MARCHF1: variants seen among roughly 807,000 people sequenced by gnomAD.
MARCHF1 encodes membrane associated ring-CH-type finger 1.
In MARCHF1, 40 loss-of-function variants were observed where a neutral mutation model predicts 54.2. The ratio of observed to expected loss-of-function variants is 0.74; its 90% CI spans 0.57 to 0.96. MARCHF1 has a LOEUF of 0.96. Among genes scored for constraint, MARCHF1 ranks in the 40% least tolerant of loss-of-function variants. The pLI is 0.00. For missense variants in MARCHF1, 586 were observed against 656.5 expected, an observed-to-expected ratio of 0.89 and a Z score of 1.17; for synonymous variants, 236 against 236.3, an observed-to-expected ratio of 1.00 and a Z score of 0.01.
At chr4:163,915,932 T>C (rs977412573) in intron 3 of MARCHF1, among the ~76,000 whole-genome samples, 1 of 152,110 alleles carries the variant, frequency 6.6e-6, no homozygotes, top group Non-Finnish European at 1.5e-5. Context: ...AACCTTCCCA[T>C]TTAAGAACCT....
intron 3 of MARCHF1, among the ~76,000 whole-genome samples, chr4:163,865,251 T>C (rs938991918): frequency 4.0e-5 from 6 of 151,894 alleles, no homozygotes; most frequent in African/African-American, 1.4e-4. Context: ...ATGAACACAC[T>C]TAAAGTGTCT....
intron 3 of MARCHF1, among the ~76,000 whole-genome samples, chr4:163,907,828 AC>A (rs918064040): frequency 1.3e-5 from 2 of 152,146 alleles, no homozygotes; most frequent in Non-Finnish European, 2.9e-5. Flanking sequence ...TTACTTTAGA[AC>A]GATATGTGTG....
At chr4:164,039,903 C>T (rs1232891711) in intron 2 of MARCHF1, among the ~76,000 whole-genome samples, 1 of 149,632 alleles carries the variant, frequency 6.7e-6, no homozygotes, top group Non-Finnish European at 1.5e-5. Flanking sequence ...ACAGAAACAA[C>T]AAAGTAAAAT....
chr4:164,184,350 G>A (rs1730911238), intron 1 of MARCHF1, among the ~76,000 whole-genome samples: 1 of 152,054 alleles, frequency 6.6e-6, no homozygotes, highest in South Asian at 2.1e-4. Flanking sequence ...ATATGCTTTT[G>A]CCACATACCT....
At chr4:163,761,506 T>C (rs1009364615) in intron 4 of MARCHF1, among the ~76,000 whole-genome samples, 1 of 128,212 alleles carries the variant, frequency 7.8e-6, no homozygotes, top group Non-Finnish European at 1.7e-5. Flanking sequence ...AGGAGGATAA[T>C]TGAATATTAA....
At chr4:163,914,293 AT>A (rs1469693686) in intron 3 of MARCHF1, among the ~76,000 whole-genome samples, 2 of 152,156 alleles carry the variant, frequency 1.3e-5, no homozygotes, top group Non-Finnish European at 2.9e-5. Flanking sequence ...TTTAAAGAGA[AT>A]GCAAAAATTA....
intron 4 of MARCHF1, among the ~76,000 whole-genome samples, chr4:163,761,111 T>A (rs1024129760): frequency 6.6e-6 from 1 of 152,238 alleles, no homozygotes; most frequent in Non-Finnish European, 1.5e-5. Context: ...GGACAGTTAT[T>A]TCAAAATGAG....
At chr4:164,277,560 T>C (rs1486665649) in intron 1 of MARCHF1, among the ~76,000 whole-genome samples, 2 of 152,242 alleles carry the variant, frequency 1.3e-5, no homozygotes, top group African/African-American at 4.8e-5. Flanking sequence ...TCCTCCTGCC[T>C]AGAAAGGATC....
At chr4:164,334,327 A>T (rs987717523) in intron 1 of MARCHF1, among the ~76,000 whole-genome samples, 1 of 152,200 alleles carries the variant, frequency 6.6e-6, no homozygotes, top group African/African-American at 2.4e-5. Flanking sequence ...CTCTTTTGTT[A>T]GGGGCTAATG....
intron 4 of MARCHF1, among the ~76,000 whole-genome samples, chr4:163,826,053 TCATGCAAC>T (rs1174864168): frequency 6.6e-6 from 1 of 152,088 alleles, no homozygotes; most frequent in African/African-American, 2.4e-5. Flanking sequence ...GCTTAGTTTG[TCATGCAAC>T]TTTTATAGAC....
chr4:164,123,054 G>A (rs1756104972), intron 1 of MARCHF1, among the ~76,000 whole-genome samples: 1 of 152,038 alleles, frequency 6.6e-6, no homozygotes, highest in Non-Finnish European at 1.5e-5. Context: ...TCTTATATTT[G>A]GGAAAACCTT....
At chr4:164,188,233 G>A (rs922589000) in intron 1 of MARCHF1, 2 of 239,804 alleles carry the variant, frequency 8.3e-6, no homozygotes, top group South Asian at 1.3e-4. Flanking sequence ...ATACTTTCTC[G>A]ATGCCGGCCG....
chr4:163,940,273 A>G (rs1376936725), intron 3 of MARCHF1, among the ~76,000 whole-genome samples: 2 of 152,090 alleles, frequency 1.3e-5, no homozygotes, highest in African/African-American at 4.8e-5. Context: ...GCAAATGACT[A>G]AGAAAAGGAG....
chr4:164,334,525 G>GAA (rs35268697), intron 1 of MARCHF1, among the ~76,000 whole-genome samples: 56,879 of 149,102 alleles, frequency 0.38, 11,976 homozygotes, highest in Non-Finnish European at 0.49. Flanking sequence ...CTACTGCTCA[G>GAA]AAAAAAAAAA....
chr4:164,074,183 C>A (rs112681623), intron 2 of MARCHF1, among the ~76,000 whole-genome samples: 3 of 152,196 alleles, frequency 2.0e-5, no homozygotes, highest in Non-Finnish European at 4.4e-5. Flanking sequence ...CCTTCCCATG[C>A]CAATAACCTG....
chr4:163,907,165 AT>A (rs895568056), intron 3 of MARCHF1, among the ~76,000 whole-genome samples: 10 of 151,914 alleles, frequency 6.6e-5, no homozygotes, highest in African/African-American at 2.4e-4. Context: ...CATTAACTGT[AT>A]TTTCTTATAT....
At chr4:163,570,585 G>A (rs996010586) in intron 8 of MARCHF1, among the ~76,000 whole-genome samples, 6 of 152,122 alleles carry the variant, frequency 3.9e-5, no homozygotes, top group Admixed American at 2.6e-4. Context: ...ATCCCATTAG[G>A]AAAATATTTG....
chr4:163,902,819 G>A (rs1686424794), intron 3 of MARCHF1, among the ~76,000 whole-genome samples: 1 of 152,122 alleles, frequency 6.6e-6, no homozygotes, highest in South Asian at 2.1e-4. Flanking sequence ...AATATTGTAT[G>A]TCTTAATTCC....
At chr4:164,148,225 A>G (rs990369466) in intron 1 of MARCHF1, among the ~76,000 whole-genome samples, 1 of 152,030 alleles carries the variant, frequency 6.6e-6, no homozygotes, top group Non-Finnish European at 1.5e-5. Flanking sequence ...TATTGGAACT[A>G]CAACTACTAG....
Sources: gnomAD v4.1 joint callset for allele counts (sites outside exome capture counted in the v4.1 genomes callset) on GRCh38, gnomAD v4.1.1 for gene constraint, MANE v1.5 for transcripts, NCBI Gene and HGNC (gene_info 2026-07-23, HGNC 2026-07-21) for gene names.